The following FAM13A variants were observed in gnomAD, a reference collection of about 807,000 sequenced individuals.
FAM13A encodes the protein family with sequence similarity 13 member A.
A neutral mutation model predicts 129.6 loss-of-function variants in FAM13A; 76 were observed. The observed-to-expected ratio is 0.59, with a 90% CI of 0.49 to 0.71. The LOEUF is 0.71. FAM13A is among the 30% of genes least tolerant of loss of function. The pLI, the probability that FAM13A is intolerant of heterozygous loss-of-function variation, is 0.00. For synonymous variants in FAM13A, 443 were observed against 449.9 expected (o/e 0.98, Z 0.20); for missense variants, 1,108 against 1,249.3 (o/e 0.89, Z 1.70).
chr4:88,921,625 A>G (rs1751108263), intron 5 of FAM13A, among the ~76,000 whole-genome samples: 1 of 152,258 alleles, frequency 6.6e-6, no homozygotes, highest in Admixed American at 6.5e-5. Context: ...CTTCGAGACT[A>G]GGAAGAAACT....
At chr4:88,868,410 T>C (rs1274217210) in intron 6 of FAM13A, among the ~76,000 whole-genome samples, 1 of 152,216 alleles carries the variant, frequency 6.6e-6, no homozygotes, top group African/African-American at 2.4e-5. Context: ...CCAGCTTTTA[T>C]CTGTTTACTT....
intron 7 of FAM13A, 26 bp downstream of exon 7, chr4:88,850,994 T>A (rs1737467719): frequency 1.2e-6 from 2 of 1,610,450 alleles, no homozygotes; most frequent in Non-Finnish European, 8.5e-7. Flanking sequence ...CAATATGGAT[T>A]GTGTAGATAA....
chr4:88,735,320 T>C (rs555719674), intron 21 of FAM13A, among the ~76,000 whole-genome samples: 2 of 152,378 alleles, frequency 1.3e-5, no homozygotes, highest in East Asian at 1.9e-4. Context: ...TTACATATTA[T>C]GTAATTAACA....
intron 13 of FAM13A, among the ~76,000 whole-genome samples, chr4:88,760,603 CAAAAAAAAAAAAAA>C (rs745711965): frequency 1.5e-5 from 1 of 65,820 alleles, no homozygotes; most frequent in African/African-American, 1.0e-4. Context: ...GACTCCGTCT[CAAAAAAAAAAAAAA>C]AAAAAAAAAA....
At chr4:88,836,776 A>G (rs1036608139) in intron 7 of FAM13A, among the ~76,000 whole-genome samples, 2 of 152,008 alleles carry the variant, frequency 1.3e-5, no homozygotes, top group African/African-American at 2.4e-5. Flanking sequence ...CCTGACCAAC[A>G]TGGTGAAACC....
chr4:89,034,792 G>C (rs1355573176), intron 1 of FAM13A, among the ~76,000 whole-genome samples: 3 of 152,212 alleles, frequency 2.0e-5, no homozygotes, highest in Admixed American at 6.5e-5. Context: ...TGAGGCAGGA[G>C]AATCACTTGA....
intron 6 of FAM13A, among the ~76,000 whole-genome samples, chr4:88,871,427 T>A (rs1741367926): frequency 6.6e-6 from 1 of 152,074 alleles, no homozygotes; most frequent in Non-Finnish European, 1.5e-5. Flanking sequence ...CTAACTAGAA[T>A]ACACAGTGTA....
At chr4:88,898,562 AAAT>A (rs1231599578) in intron 6 of FAM13A, among the ~76,000 whole-genome samples, 1 of 152,164 alleles carries the variant, frequency 6.6e-6, no homozygotes, top group Admixed American at 6.5e-5. Flanking sequence ...ATTAAACAAT[AAAT>A]AATAGCTCAA....
intron 7 of FAM13A, among the ~76,000 whole-genome samples, chr4:88,812,774 A>C (rs1190913021): frequency 6.6e-6 from 1 of 152,212 alleles, no homozygotes. Context: ...GCACCTAGCT[A>C]GGTACCAAGA....
rs147468595 is a variant in FAM13A, at chr4:89,008,762, A to G, written c.427+11698T>C. Among the ~76,000 whole-genome samples the G allele has an allele frequency of 3.7e-4, 56 of 152,366 alleles. No individual in the cohort carries two copies. In the East Asian group the frequency reaches 0.011, roughly 29 times the overall value. On this transcript the variant is annotated intron_variant, in intron 3 of 23. Coordinates refer to ENST00000264344, the MANE Select transcript of FAM13A (RefSeq NM_014883.4). Reference sequence around the variant, plus strand: ...CAAACACAAGTAAAGCACCTAGGCAAAATCTTGACCCAAAACAGGCACTTA... The same window carrying G: ...CAAACACAAGTAAAGCACCTAGGCAGAATCTTGACCCAAAACAGGCACTTA...
intron 3 of FAM13A, among the ~76,000 whole-genome samples, chr4:88,994,785 G>A (rs921366844): frequency 6.6e-6 from 1 of 151,684 alleles, no homozygotes; most frequent in Admixed American, 6.6e-5. Context: ...AAGCAGAAGT[G>A]AGCCATGATC....
At chr4:88,962,029 G>A (rs901675906) in intron 4 of FAM13A, among the ~76,000 whole-genome samples, 2 of 150,914 alleles carry the variant, frequency 1.3e-5, no homozygotes, top group Admixed American at 6.6e-5. Context: ...AGAGAGAAAG[G>A]GAAAGAAGAG....
At chr4:88,888,138 T>C (rs956635640) in intron 6 of FAM13A, among the ~76,000 whole-genome samples, 1 of 152,342 alleles carries the variant, frequency 6.6e-6, no homozygotes, top group Non-Finnish European at 1.5e-5. Flanking sequence ...TTTGCTTATG[T>C]CATTCTAACT....
chr4:88,739,193 C>T lies in FAM13A; in HGVS notation c.2467-68G>A, dbSNP rs189951620. On this transcript the variant is annotated intron_variant, in intron 19 of 23. Transcript: ENST00000264344. ...AGTCACAACCAGCTGTCTAAGCATGCTCTGGGCCTTTGTAATTCTAGAGAA... is the reference window on the plus strand; with the variant it reads ...AGTCACAACCAGCTGTCTAAGCATGTTCTGGGCCTTTGTAATTCTAGAGAA... 57 of 1,028,700 alleles carry T rather than the reference C, an allele frequency of 5.5e-5. No individual in the cohort carries two copies. In the Admixed American group the frequency reaches 9.8e-4, roughly 18 times the overall value. 63.7% of individuals were successfully genotyped at this position (1,028,700 alleles called of 1,614,324 possible). A position where few individuals can be genotyped will look rare whatever the true frequency, so the allele number is the denominator to read the frequency against.
chr4:88,953,090 C>T (rs551758845), intron 4 of FAM13A, among the ~76,000 whole-genome samples: 4 of 152,256 alleles, frequency 2.6e-5, no homozygotes, highest in African/African-American at 9.6e-5. Flanking sequence ...CAATTCAATG[C>T]TTTTAGTATA....
chr4:88,884,473 G>A (rs1421947078), intron 6 of FAM13A, among the ~76,000 whole-genome samples: 1 of 152,016 alleles, frequency 6.6e-6, no homozygotes, highest in Non-Finnish European at 1.5e-5. Flanking sequence ...AAAACCCTCA[G>A]CAAAACTGGC....
At chr4:88,771,738 C>T (rs1720715489) in intron 11 of FAM13A, among the ~76,000 whole-genome samples, 1 of 152,146 alleles carries the variant, frequency 6.6e-6, no homozygotes, top group Admixed American at 6.5e-5. Context: ...CAATTATTTC[C>T]AACCAGATAA....
chr4:88,967,447 A>G (rs1293738393), intron 4 of FAM13A, among the ~76,000 whole-genome samples: 3 of 152,364 alleles, frequency 2.0e-5, no homozygotes, highest in African/African-American at 7.2e-5. Flanking sequence ...TGCAGTCTAG[A>G]TAAAATACAC....
At chr4:88,985,539 A>G (rs1762125804) in intron 4 of FAM13A, among the ~76,000 whole-genome samples, 1 of 152,190 alleles carries the variant, frequency 6.6e-6, no homozygotes, top group Admixed American at 6.5e-5. Context: ...CAAGACTTCA[A>G]AATTTTTGCG....
Sources: gnomAD v4.1 joint callset for allele counts (sites outside exome capture counted in the v4.1 genomes callset) on GRCh38, gnomAD v4.1.1 for gene constraint, MANE v1.5 for transcripts, NCBI Gene and HGNC (gene_info 2026-07-23, HGNC 2026-07-21) for gene names.